LRRC9: variants seen among roughly 807,000 people sequenced by gnomAD.
LRRC9 encodes leucine-rich repeat-containing protein 9.
Under a neutral mutation model 63.2 loss-of-function variants are expected in LRRC9, and 122 were observed. The ratio of observed to expected loss-of-function variants is 1.93; its 90% CI spans 1.67 to 2.24. The LOEUF (loss-of-function observed/expected upper bound fraction) is 2.24, where lower values mean the gene tolerates loss of function less well. LRRC9 is among the 30% of genes most tolerant of loss of function. The pLI is 0.00. For synonymous variants in LRRC9, 366 were observed against 213.1 expected (o/e 1.72, Z -6.25); for missense variants, 1,071 against 627.7 (o/e 1.71, Z -7.55).
chr14:60,056,059 A>G (rs1046899332), intron 30 of LRRC9, among the ~76,000 whole-genome samples: 1 of 152,184 alleles, frequency 6.6e-6, no homozygotes, highest in Non-Finnish European at 1.5e-5. Context: ...CTCTGCTTCC[A>G]TGATCACTTC....
chr14:59,967,370 C>T (rs918101800), intron 12 of LRRC9, among the ~76,000 whole-genome samples, 157 bp downstream of exon 12: 1 of 152,196 alleles, frequency 6.6e-6, no homozygotes, highest in Non-Finnish European at 1.5e-5. Flanking sequence ...AGTATAGCAT[C>T]TTTCCTCTTT....
At chr14:59,999,139 G>T (rs1889109230) in exon 19 of LRRC9, 2 of 699,008 alleles carry the variant, frequency 2.9e-6, no homozygotes, top group Non-Finnish European at 5.2e-6. Flanking sequence ...GCAGATTAAA[G>T]ACTCTTACCC....
intron 13 of LRRC9, among the ~76,000 whole-genome samples, chr14:59,976,958 C>A (rs1886352275): frequency 6.6e-6 from 1 of 152,170 alleles, no homozygotes; most frequent in South Asian, 2.1e-4. Flanking sequence ...TTAATGTGTT[C>A]TTTCCTTCTC....
At chr14:60,043,756 CTTTTTT>C (rs368065898) in intron 29 of LRRC9, among the ~76,000 whole-genome samples, 920 of 71,598 alleles carry the variant, frequency 0.013, 17 homozygotes, top group African/African-American at 0.047. Context: ...TTTTCTTTTC[CTTTTTT>C]TTTTTTTTTT....
intron 15 of LRRC9, among the ~76,000 whole-genome samples, chr14:59,980,347 TC>T (rs1886798010): frequency 6.6e-6 from 1 of 152,180 alleles, no homozygotes; most frequent in Non-Finnish European, 1.5e-5. Flanking sequence ...TTGAACTCTT[TC>T]ATCTAATTTT....
intron 8 of LRRC9, 38 bp from the exon 9 acceptor site, chr14:59,959,780 T>C (rs544773703): frequency 7.4e-5 from 40 of 539,894 alleles, no homozygotes; most frequent in African/African-American, 5.7e-4. Flanking sequence ...GACCATGTTT[T>C]ATTTTTATTT....
At chr14:60,023,393 T>G (rs192261167) in intron 27 of LRRC9, among the ~76,000 whole-genome samples, 1 of 151,578 alleles carries the variant, frequency 6.6e-6, no homozygotes, top group African/African-American at 2.4e-5. Context: ...TTTAAAGGAG[T>G]GATAGAATCT....
intron 31 of LRRC9, among the ~76,000 whole-genome samples, chr14:60,059,782 A>G (rs1436666740): frequency 6.6e-6 from 1 of 152,236 alleles, no homozygotes; most frequent in Non-Finnish European, 1.5e-5. Context: ...ACGAACTATT[A>G]TATCAGGCAA....
At chr14:59,976,809 A>G (rs1032849751) in intron 13 of LRRC9, among the ~76,000 whole-genome samples, 1 of 152,232 alleles carries the variant, frequency 6.6e-6, no homozygotes, top group Non-Finnish European at 1.5e-5. Context: ...AATCTAAAGG[A>G]AAATGAAATG....
intron 8 of LRRC9, among the ~76,000 whole-genome samples, chr14:59,959,074 A>G (rs1884096576): frequency 6.6e-6 from 1 of 152,220 alleles, no homozygotes; most frequent in Admixed American, 6.5e-5. Flanking sequence ...GCCCCTCCTC[A>G]GTACAATTTA....
intron 4 of LRRC9, 59 bp from the exon 5 acceptor site, chr14:59,931,560 G>T: frequency 1.5e-6 from 1 of 674,760 alleles, no homozygotes; most frequent in South Asian, 1.6e-5. Context: ...AATCAGAGAT[G>T]ATTTGTAAAT....
chr14:60,020,125 G>T (rs917496375), intron 26 of LRRC9, among the ~76,000 whole-genome samples: 2 of 151,638 alleles, frequency 1.3e-5, no homozygotes, highest in Non-Finnish European at 2.9e-5. Context: ...CCGACACCCT[G>T]GCACCTGGCA....
exon 26 of LRRC9, chr14:60,019,182 A>C (rs759189737): frequency 5.0e-5 from 35 of 700,276 alleles, no homozygotes; most frequent in Non-Finnish European, 6.0e-5. Flanking sequence ...CCTCAGACTC[A>C]CTTAACCAGT....
chr14:59,952,940 A>G (rs1190282194), intron 8 of LRRC9, among the ~76,000 whole-genome samples: 1 of 152,166 alleles, frequency 6.6e-6, no homozygotes, highest in Non-Finnish European at 1.5e-5. Flanking sequence ...TAGTTTGCTG[A>G]GAGTGATGGC....
rs183862335 is a variant in LRRC9, at chr14:60,027,956, G to A, written c.3776G>A (p.Arg1259His). 2.6e-5 allele frequency: 18 copies of A among 701,764 alleles called. No homozygotes were observed. The highest frequency in any genetic ancestry group is 1.2e-4 in the South Asian group (8 of 67,552). 43.5% of individuals were successfully genotyped at this position (701,764 alleles called of 1,614,324 possible). Reference sequence around the variant, plus strand: ...CAAGAATTGGTAGTGGACCATAACCGCATCCGATCATTTAATGACAGTGCT... The same window carrying A: ...CAAGAATTGGTAGTGGACCATAACCACATCCGATCATTTAATGACAGTGCT... Residue 1259 changes from arginine (R) to histidine (H), a missense_variant, in exon 28 of 32, where the codon CGC (arginine) becomes CAC (histidine). By Grantham distance (29) the Arg-to-His change is conservative. Coordinates refer to ENST00000445360, the Ensembl canonical transcript of LRRC9. The surrounding 1 kb of genome is among the most constrained non-coding windows in gnomAD (Gnocchi z 4.0).
At chr14:59,937,703 A>G (rs1246082197) in intron 6 of LRRC9, among the ~76,000 whole-genome samples, 1 of 152,152 alleles carries the variant, frequency 6.6e-6, no homozygotes, top group East Asian at 1.9e-4. Context: ...CAGATGACAA[A>G]TAAAGGAAAG....
At chr14:60,023,079 A>G (rs987136746) in intron 27 of LRRC9, among the ~76,000 whole-genome samples, 1 of 152,032 alleles carries the variant, frequency 6.6e-6, no homozygotes, top group Non-Finnish European at 1.5e-5. Flanking sequence ...GAGAATATAT[A>G]TAGTATTACA....
At chr14:59,995,066 C>T (rs1473556914) in intron 17 of LRRC9, among the ~76,000 whole-genome samples, 1 of 151,970 alleles carries the variant, frequency 6.6e-6, no homozygotes, top group African/African-American at 2.4e-5. Flanking sequence ...CTGGCCTTGC[C>T]TGTGTATCAG....
In LRRC9 at chr14:60,053,278, G is replaced by T; in HGVS notation, c.4131+73G>T. 2 of 632,598 alleles carry T rather than the reference G, an allele frequency of 3.2e-6. No homozygotes were observed. The highest frequency in any genetic ancestry group is 1.8e-5 in the South Asian group (1 of 55,652). The allele number at this position is 632,598 out of a possible 1,614,324, so 39.2% of individuals were successfully genotyped here. ...TTAGTAAATGAACATTATATCTTTT[G>T]ATTTAAATGTTTAAACCTATGGCGT... On this transcript the variant is annotated intron_variant, in intron 30 of 31. Coordinates refer to ENST00000445360, the Ensembl canonical transcript of LRRC9. The surrounding 1 kb of genome is among the most constrained non-coding windows in gnomAD (Gnocchi z 4.8).
Sources: allele counts gnomAD v4.1 joint callset (sites outside exome capture counted in the v4.1 genomes callset), GRCh38; gene constraint gnomAD v4.1.1; non-coding constraint Gnocchi (gnomAD v3.1); transcripts MANE v1.5; gene names NCBI Gene and HGNC (gene_info 2026-07-23, HGNC 2026-07-21).